Variants in GNPTAB observed in about 807,000 individuals in gnomAD.
GNPTAB encodes N-acetylglucosamine-1-phosphate transferase subunits alpha and beta.
A neutral mutation model predicts 136.6 loss-of-function variants in GNPTAB; 92 were observed. The observed-to-expected ratio is 0.67, with a 90% confidence interval of 0.57 to 0.80. The LOEUF (loss-of-function observed/expected upper bound fraction) is 0.80, where lower values mean the gene tolerates loss of function less well. GNPTAB is among the 30% of genes least tolerant of loss of function. GNPTAB has a pLI of 0.00. For synonymous variants in GNPTAB, 512 were observed against 535.1 expected, an observed-to-expected ratio of 0.96 and a Z score of 0.60; for missense variants, 1,343 against 1,501.8, an observed-to-expected ratio of 0.89 and a Z score of 1.75.
chr12:101,784,999 A>G (rs1868552539), intron 5 of GNPTAB, among the ~76,000 whole-genome samples: 1 of 152,234 alleles, frequency 6.6e-6, no homozygotes, highest in Non-Finnish European at 1.5e-5. Context: ...ATGTGGGTGC[A>G]GTTTTATGCC....
intron 11 of GNPTAB, among the ~76,000 whole-genome samples, chr12:101,767,373 A>C (rs967297858): frequency 2.0e-5 from 3 of 152,146 alleles, no homozygotes; most frequent in Non-Finnish European, 2.9e-5. Context: ...GAAAATACTT[A>C]TTTCTTTTGC....
intron 1 of GNPTAB, among the ~76,000 whole-genome samples, chr12:101,804,238 G>A (rs913994761): frequency 6.6e-6 from 1 of 151,394 alleles, no homozygotes; most frequent in Non-Finnish European, 1.5e-5. Context: ...AAAAAGTATT[G>A]CTTTGTGCTT....
At chr12:101,813,597 G>A (rs376352058) in intron 1 of GNPTAB, among the ~76,000 whole-genome samples, 6 of 152,180 alleles carry the variant, frequency 3.9e-5, no homozygotes, top group Admixed American at 1.3e-4. Flanking sequence ...TTGTATTTGC[G>A]TGATAGAGAT....
At chr12:101,827,740 G>A (rs1426960866) in intron 1 of GNPTAB, among the ~76,000 whole-genome samples, 1 of 152,140 alleles carries the variant, frequency 6.6e-6, no homozygotes, top group African/African-American at 2.4e-5. Context: ...CAAGGCAGGC[G>A]GATCACCTAA....
chr12:101,758,744 C>T (rs1952941914), intron 16 of GNPTAB, among the ~76,000 whole-genome samples: 1 of 152,218 alleles, frequency 6.6e-6, no homozygotes, highest in South Asian at 2.1e-4. Context: ...CCAATGGCTG[C>T]CACTTGTCAC....
chr12:101,827,349 C>A (rs950714987), intron 1 of GNPTAB, among the ~76,000 whole-genome samples: 1 of 152,120 alleles, frequency 6.6e-6, no homozygotes, highest in African/African-American at 2.4e-5. Context: ...AATTCTCCTG[C>A]CTCGGCCTGC....
Position 101,823,034 on chromosome 12 carries a change from C to A in GNPTAB, c.117+7525G>T, listed in dbSNP as rs183867921. ...TCTAAAAGTAACCCCTTTCTCCTTT[C>A]AAGAGATTTGCTTAAGAATGGCTCT... On this transcript the variant is annotated intron_variant, in intron 1 of 20. Transcript: ENST00000299314. Among the ~76,000 whole-genome samples, 109 of 152,312 alleles carry A rather than the reference C, an allele frequency of 7.2e-4. 1 individual carries two copies. The highest frequency in any genetic ancestry group is 2.5e-3 in the African/African-American group (105 of 41,562).
chr12:101,790,385 T>G (rs1868918252), intron 2 of GNPTAB, among the ~76,000 whole-genome samples: 1 of 152,234 alleles, frequency 6.6e-6, no homozygotes, highest in South Asian at 2.1e-4. Context: ...TCAGTTTACA[T>G]TAAACTGCCT....
intron 1 of GNPTAB, among the ~76,000 whole-genome samples, chr12:101,810,299 ATT>A (rs1870147497): frequency 6.6e-6 from 1 of 151,872 alleles, no homozygotes; most frequent in African/African-American, 2.4e-5. Context: ...ATGGAGAACT[ATT>A]TAGGGGAGAG....
At chr12:101,775,001 CT>C (rs1199355032) in intron 7 of GNPTAB, among the ~76,000 whole-genome samples, 4 of 152,188 alleles carry the variant, frequency 2.6e-5, no homozygotes, top group Non-Finnish European at 5.9e-5. Flanking sequence ...AATCACATAT[CT>C]GCAAATACTC....
At chr12:101,790,939 C>T (rs916831433) in intron 2 of GNPTAB, among the ~76,000 whole-genome samples, 9 of 151,738 alleles carry the variant, frequency 5.9e-5, no homozygotes, top group African/African-American at 1.9e-4. Context: ...AACTTGTAAC[C>T]TATTCCGTTA....
chr12:101,777,956 G>T (rs749274188), intron 7 of GNPTAB, among the ~76,000 whole-genome samples: 5 of 152,218 alleles, frequency 3.3e-5, no homozygotes, highest in Non-Finnish European at 5.9e-5. Context: ...TCTGAGAGGT[G>T]TTGGCCTCCA....
chr12:101,786,004 G>C lies in GNPTAB; in HGVS notation c.571+8C>G. 6.3e-7 allele frequency: 1 copy of C among 1,588,892 alleles called. No homozygotes were observed. Among genetic ancestry groups the C allele is most frequent in the Non-Finnish European group, 8.6e-7 (1 of 1,157,386 alleles). On this transcript the variant is annotated splice_region_variant and intron_variant, in intron 5 of 20. Coordinates refer to ENST00000299314, the MANE Select transcript of GNPTAB (RefSeq NM_024312.5). Reference sequence around the variant, plus strand: ...CATGATTTTAAAATATCCATAAAAAGATCTTACCATCCTTAGTACTGTCAA... The same window carrying C: ...CATGATTTTAAAATATCCATAAAAACATCTTACCATCCTTAGTACTGTCAA...
At chr12:101,801,749 T>A (rs1869651525) in intron 1 of GNPTAB, among the ~76,000 whole-genome samples, 1 of 151,638 alleles carries the variant, frequency 6.6e-6, no homozygotes, top group African/African-American at 2.4e-5. Context: ...ATAAAACAAT[T>A]TGGTTAAACT....
At chr12:101,796,570 A>T in intron 2 of GNPTAB, 107 bp downstream of exon 2, 1 of 779,994 alleles carries the variant, frequency 1.3e-6, no homozygotes, top group Non-Finnish European at 2.3e-6. Context: ...AAATTAAACC[A>T]TATCTATAAC....
Position 101,830,759 on chromosome 12 carries a change from G to A in GNPTAB, c.-84C>T, listed in dbSNP as rs1256054721. The A allele has an allele frequency of 5.0e-6, 4 of 796,170 alleles. No individual in the cohort carries two copies. Among genetic ancestry groups the A allele is most frequent in the East Asian group, 3.1e-5 (1 of 31,970 alleles). 49.3% of individuals were successfully genotyped at this position (796,170 alleles called of 1,614,324 possible). ...CGCCTCAGCGAGCCGCCATTCAGGG[G>A]CCCCGGTCGGGCCGCCGCGCGCAGG... On this transcript the variant is annotated 5_prime_UTR_variant, in exon 1 of 21. Coordinates refer to ENST00000299314, the MANE Select transcript of GNPTAB (RefSeq NM_024312.5).
At chr12:101,826,687 G>A (rs994498431) in intron 1 of GNPTAB, among the ~76,000 whole-genome samples, 2 of 151,686 alleles carry the variant, frequency 1.3e-5, no homozygotes, top group African/African-American at 2.4e-5. Context: ...TAAATGGTTC[G>A]ATTAAATAAT....
intron 13 of GNPTAB, among the ~76,000 whole-genome samples, chr12:101,763,239 AAAG>A (rs2137114815): frequency 1.4e-5 from 1 of 73,000 alleles, no homozygotes; most frequent in African/African-American, 4.7e-5. Flanking sequence ...AAAAAAAAAG[AAAG>A]GAAAGGAAAG....
chr12:101,767,470 C>A (rs117040768), intron 11 of GNPTAB, among the ~76,000 whole-genome samples: 1 of 152,288 alleles, frequency 6.6e-6, no homozygotes, highest in East Asian at 1.9e-4. Context: ...TAGAGTGATT[C>A]TTGCTCTTGG....
Sources: gnomAD v4.1 joint callset for allele counts (sites outside exome capture counted in the v4.1 genomes callset) on GRCh38, gnomAD v4.1.1 for gene constraint, MANE v1.5 for transcripts, NCBI Gene and HGNC (gene_info 2026-07-23, HGNC 2026-07-21) for gene names.